The following CNTN4 variants were observed in gnomAD, a reference collection of about 807,000 sequenced individuals.
The protein encoded by CNTN4 is contactin 4, also known as contactin-4.
CNTN4 carries 77 observed loss-of-function variants against 122.5 expected under a neutral mutation model. The ratio of observed to expected loss-of-function variants is 0.63; its 90% CI spans 0.52 to 0.76. The LOEUF (loss-of-function observed/expected upper bound fraction) is 0.76. CNTN4 is among the 30% of genes least tolerant of loss of function. CNTN4 has a pLI of 0.00. For synonymous variants in CNTN4, 512 were observed against 447.0 expected (o/e 1.15, Z -1.83); for missense variants, 1,256 against 1,259.1 (o/e 1.00, Z 0.04).
At chr3:2,523,500 T>G (rs1196000573) in intron 3 of CNTN4, among the ~76,000 whole-genome samples, 1 of 152,058 alleles carries the variant, frequency 6.6e-6, no homozygotes, top group Non-Finnish European at 1.5e-5. Context: ...TGCTTTATTG[T>G]GACATGAGTC....
At chr3:2,804,582 T>C (rs1292790257) in intron 6 of CNTN4, among the ~76,000 whole-genome samples, 1 of 152,238 alleles carries the variant, frequency 6.6e-6, no homozygotes, top group Non-Finnish European at 1.5e-5. Flanking sequence ...CTCTAAATAC[T>C]ACTATTCAAC....
At chr3:2,488,340 A>G (rs1412388364) in intron 3 of CNTN4, among the ~76,000 whole-genome samples, 1 of 152,158 alleles carries the variant, frequency 6.6e-6, no homozygotes, top group Non-Finnish European at 1.5e-5. Context: ...GAGTTCACAC[A>G]TTCTCCCCAT....
intron 6 of CNTN4, among the ~76,000 whole-genome samples, chr3:2,810,076 T>C (rs988243441): frequency 1.3e-5 from 2 of 152,204 alleles, no homozygotes; most frequent in Admixed American, 6.5e-5. Flanking sequence ...TCAAAAAGTA[T>C]GGTTTCATCC....
chr3:2,347,949 A>G (rs2044466289), intron 3 of CNTN4, among the ~76,000 whole-genome samples: 1 of 151,530 alleles, frequency 6.6e-6, no homozygotes, highest in Admixed American at 6.6e-5. Context: ...CATGTTCATT[A>G]ATCTTTTATT....
At chr3:2,203,908 T>C (rs2038222296) in intron 2 of CNTN4, among the ~76,000 whole-genome samples, 1 of 152,130 alleles carries the variant, frequency 6.6e-6, no homozygotes, top group South Asian at 2.1e-4. Context: ...TAAGTTCAAA[T>C]TACAGGCCTA....
intron 3 of CNTN4, among the ~76,000 whole-genome samples, chr3:2,542,227 C>T (rs1049961635): frequency 1.3e-5 from 2 of 152,146 alleles, no homozygotes; most frequent in South Asian, 2.1e-4. Context: ...GAAATAGCTG[C>T]AGCCAACTGG....
chr3:2,295,210 G>C (rs1484892915), intron 2 of CNTN4, among the ~76,000 whole-genome samples: 1 of 142,004 alleles, frequency 7.0e-6, no homozygotes, highest in Non-Finnish European at 1.5e-5. Context: ...GGATGGCTGG[G>C]TGAAATGGTA....
intron 2 of CNTN4, among the ~76,000 whole-genome samples, chr3:2,338,404 TA>T (rs1404378663): frequency 1.3e-5 from 2 of 151,954 alleles, no homozygotes; most frequent in Non-Finnish European, 2.9e-5. Context: ...AGTAGAATAG[TA>T]TGATTAAAGA....
intron 4 of CNTN4, among the ~76,000 whole-genome samples, chr3:2,571,764 G>A (rs2079431527): frequency 6.6e-6 from 1 of 152,158 alleles, no homozygotes; most frequent in African/African-American, 2.4e-5. Context: ...GATAGACACC[G>A]ATGTTTCACC....
intron 13 of CNTN4, among the ~76,000 whole-genome samples, chr3:2,966,090 T>C (rs1393646009): frequency 6.6e-6 from 1 of 152,050 alleles, no homozygotes; most frequent in African/African-American, 2.4e-5. Flanking sequence ...CTACCATAGG[T>C]AGTGAGCACT....
intron 3 of CNTN4, among the ~76,000 whole-genome samples, chr3:2,544,531 C>G (rs112598587): frequency 0.033 from 4,994 of 152,096 alleles, 295 homozygotes; most frequent in African/African-American, 0.11. Context: ...AGTTTCTGTC[C>G]TCAAGAAACT....
chr3:2,921,131 G>C (rs1389874445), intron 12 of CNTN4, among the ~76,000 whole-genome samples: 1 of 152,182 alleles, frequency 6.6e-6, no homozygotes, highest in East Asian at 1.9e-4. Flanking sequence ...TTGAACTCCT[G>C]AGTTCAAGTG....
intron 4 of CNTN4, among the ~76,000 whole-genome samples, chr3:2,702,408 T>C (rs77104787): frequency 0.013 from 1,973 of 152,360 alleles, 31 homozygotes; most frequent in African/African-American, 0.04. Context: ...ACAAATGTGA[T>C]GTAGCATATT....
intron 3 of CNTN4, among the ~76,000 whole-genome samples, chr3:2,375,427 A>G (rs994443905): frequency 6.6e-6 from 1 of 152,318 alleles, no homozygotes; most frequent in African/African-American, 2.4e-5. Flanking sequence ...TAGAAAAGAT[A>G]TTACGGTGGC....
chr3:2,403,440 C>T (rs966000662), intron 3 of CNTN4, among the ~76,000 whole-genome samples: 2 of 152,096 alleles, frequency 1.3e-5, no homozygotes, highest in African/African-American at 4.8e-5. Flanking sequence ...TTTGGGATGA[C>T]CATGATGTTT....
intron 3 of CNTN4, among the ~76,000 whole-genome samples, chr3:2,449,049 G>T (rs1024994323): frequency 6.6e-6 from 1 of 152,054 alleles, no homozygotes; most frequent in Non-Finnish European, 1.5e-5. Context: ...TTCAGAGAGT[G>T]CATATTACTT....
Position 2,745,695 on chromosome 3 carries a change from C to A in CNTN4, c.356C>A (p.Ala119Asp), listed in dbSNP as rs2089713474. 6.2e-7 allele frequency: 1 copy of A among 1,613,926 alleles called. No homozygotes were observed. The highest frequency in any genetic ancestry group is 8.5e-7 in the Non-Finnish European group (1 of 1,179,830). The change falls in exon 6 of 25, where the codon GCT becomes GAT. Residue 119 changes from alanine to aspartate, a missense_variant and splice_region_variant. By Grantham distance (126) the Ala-to-Asp change is moderately radical. Transcript: ENST00000418658. Reference protein sequence around the residue: ...IVSREAKLQFAYLDNFKTRTR... With the variant: ...IVSREAKLQFDYLDNFKTRTR... Reference sequence around the variant, plus strand: ...AGCAGAGAAGCAAAGCTTCAGTTTGCTTGTAAGTAGCAATTATACAATGCT... The same window carrying A: ...AGCAGAGAAGCAAAGCTTCAGTTTGATTGTAAGTAGCAATTATACAATGCT...
At chr3:2,553,937 A>G (rs555674749) in intron 3 of CNTN4, among the ~76,000 whole-genome samples, 1 of 152,252 alleles carries the variant, frequency 6.6e-6, no homozygotes, top group African/African-American at 2.4e-5. Context: ...AGAAACACAA[A>G]ATGCTCATTT....
At chr3:2,573,973 T>C (rs948307374) in intron 4 of CNTN4, among the ~76,000 whole-genome samples, 4 of 152,144 alleles carry the variant, frequency 2.6e-5, no homozygotes, top group African/African-American at 9.7e-5. Context: ...CCCCAACAGT[T>C]TGGGAGGCCG....
Sources: allele counts gnomAD v4.1 joint callset (sites outside exome capture counted in the v4.1 genomes callset), GRCh38; gene constraint gnomAD v4.1.1; transcripts MANE v1.5; gene names NCBI Gene and HGNC (gene_info 2026-07-23, HGNC 2026-07-21).